IQSEC1: variants seen among roughly 807,000 people sequenced by gnomAD.
IQSEC1 encodes IQ motif and Sec7 domain ArfGEF 1.
IQSEC1 carries 31 observed loss-of-function variants against 91.0 expected under a neutral mutation model. The observed-to-expected ratio is 0.34, with a 90% CI of 0.26 to 0.46. The LOEUF (loss-of-function observed/expected upper bound fraction) is 0.46, where lower values mean the gene tolerates loss of function less well. IQSEC1 is among the 20% of genes least tolerant of loss of function. The pLI is 1.00. For synonymous variants in IQSEC1, 699 were observed against 662.6 expected (o/e 1.05, Z -0.84); for missense variants, 1,388 against 1,575.6 (o/e 0.88, Z 2.02).
intron 1 of IQSEC1, among the ~76,000 whole-genome samples, chr3:13,012,534 G>T (rs1229178922): frequency 6.6e-6 from 1 of 152,186 alleles, no homozygotes; most frequent in Non-Finnish European, 1.5e-5. Flanking sequence ...GAAACGATGT[G>T]TTGCTCACCA....
At chr3:13,005,805 C>T (rs1006158736) in intron 1 of IQSEC1, among the ~76,000 whole-genome samples, 1 of 152,198 alleles carries the variant, frequency 6.6e-6, no homozygotes, top group African/African-American at 2.4e-5. Context: ...GCTCCCCCTC[C>T]CTTCTCAGCA....
Position 12,994,734 on chromosome 3 carries a change from C to T in IQSEC1, c.24-52869G>A, listed in dbSNP as rs1702157024. ...ACGCTCCTCCGCGTCCCCTCCAGGACACACCCTCCTGACTGTTTGGGGACG... is the reference window on the plus strand; with the variant it reads ...ACGCTCCTCCGCGTCCCCTCCAGGATACACCCTCCTGACTGTTTGGGGACG... On this transcript the variant is annotated intron_variant, in intron 1 of 13. Coordinates refer to ENST00000613206, the MANE Select transcript of IQSEC1 (RefSeq NM_001134382.3). This position sits in a 1 kb window ranked among gnomAD's most constrained non-coding sequence, Gnocchi z 4.5. Among the ~76,000 whole-genome samples, 1 of 152,248 alleles carries T rather than the reference C, an allele frequency of 6.6e-6. No individual in the cohort carries two copies. Among genetic ancestry groups the T allele is most frequent in the Non-Finnish European group, 1.5e-5 (1 of 68,032 alleles).
In IQSEC1 at chr3:12,935,311, C is replaced by T; in HGVS notation, c.1568+137G>A. The stretch of plus-strand genomic sequence containing the variant: ...AGGCTGGCACCGTCCTAGCCACCGA[C>T]CTTGTGTGGCAGCTTCCTATGCTCA... On this transcript the variant is annotated intron_variant, in intron 3 of 13. Transcript: ENST00000613206. The surrounding 1 kb of genome is among the most constrained non-coding windows in gnomAD (Gnocchi z 8.0). The T allele has an allele frequency of 1.2e-6, 1 of 822,026 alleles. No individual in the cohort carries two copies. The highest frequency in any genetic ancestry group is 2.5e-5 in the Admixed American group (1 of 39,526). The allele number at this position is 822,026 out of a possible 1,614,324, so 50.9% of individuals were successfully genotyped here. A position where few individuals can be genotyped will look rare whatever the true frequency, so the allele number is the denominator to read the frequency against.
chr3:12,968,772 C>G (rs4684118), intron 1 of IQSEC1, among the ~76,000 whole-genome samples: 62,709 of 152,172 alleles, frequency 0.41, 13,654 homozygotes, highest in Non-Finnish European at 0.48. Context: ...GGGCCACCCA[C>G]CTACAAGTCC....
At chr3:13,107,265 A>G (rs1249787836) in intron 2 of IQSEC1, among the ~76,000 whole-genome samples, 2 of 152,250 alleles carry the variant, frequency 1.3e-5, no homozygotes, top group Non-Finnish European at 1.5e-5. Flanking sequence ...GAGGCTAGAG[A>G]AAAACAAAGC....
chr3:13,138,092 T>C (rs1432449111), intron 2 of IQSEC1, among the ~76,000 whole-genome samples: 2 of 152,046 alleles, frequency 1.3e-5, no homozygotes, highest in African/African-American at 2.4e-5. Flanking sequence ...TTTCTCCATA[T>C]GCAAAATGAG....
rs5014376 is a variant in IQSEC1 at position 13,211,117 on chromosome 3, C to T, written c.273-46984G>A. 2.6e-5 allele frequency among the ~76,000 whole-genome samples: 4 copies of T among 152,310 alleles called. No homozygotes were observed. Among genetic ancestry groups the T allele is most frequent in the South Asian group, 4.1e-4 (2 of 4,828 alleles). On this transcript the variant is annotated intron_variant, in intron 1 of 15. Transcript: ENST00000648114. The surrounding 1 kb of genome is among the most constrained non-coding windows in gnomAD (Gnocchi z 5.3). ...CAGTAGGTGTGCAGTAAAGGTGTGT[C>T]GGATGACTGAGTGATCTCCACCCTC...
chr3:12,900,153 T>C lies in IQSEC1; in HGVS notation c.*830A>G. 1 of 972,444 alleles carries C rather than the reference T, an allele frequency of 1.0e-6. No homozygotes were observed. The highest frequency in any genetic ancestry group is 1.2e-6 in the Non-Finnish European group (1 of 818,252). The allele number at this position is 972,444 out of a possible 1,614,324, so 60.2% of individuals were successfully genotyped here. On this transcript the variant is annotated 3_prime_UTR_variant, in exon 14 of 14. Transcript: ENST00000613206. Reference sequence around the variant, plus strand: ...TATAATACTATTTATGATAGTATTCTGTTAATAAAATAAGGATTTATACAA... The same window carrying C: ...TATAATACTATTTATGATAGTATTCCGTTAATAAAATAAGGATTTATACAA...
intron 1 of IQSEC1, chr3:13,053,125 C>G: frequency 1.2e-6 from 1 of 833,456 alleles, no homozygotes; most frequent in Non-Finnish European, 2.1e-6. Context: ...GAAGACATGG[C>G]GAGAAGCGGA....
chr3:13,055,178 G>A (rs1165248736), intron 1 of IQSEC1, among the ~76,000 whole-genome samples: 1 of 152,218 alleles, frequency 6.6e-6, no homozygotes, highest in Non-Finnish European at 1.5e-5. Flanking sequence ...CTGCCAAACT[G>A]CCCTGCCCAG....
chr3:12,900,100 G>C lies in IQSEC1; in HGVS notation c.*883C>G, dbSNP rs774750330. Reference sequence around the variant, plus strand: ...CTACTGTAGAGTGTACTGCAGTTTAGCTATTTGCTTACCTGAAATAACAGC... The same window carrying C: ...CTACTGTAGAGTGTACTGCAGTTTACCTATTTGCTTACCTGAAATAACAGC... On this transcript the variant is annotated 3_prime_UTR_variant, in exon 14 of 14. Transcript: ENST00000613206. 337 of 981,492 alleles carry C rather than the reference G, an allele frequency of 3.4e-4. 2 individuals carry two copies. The highest frequency in any genetic ancestry group is 2.8e-4 in the Non-Finnish European group (228 of 826,432). The allele number at this position is 981,492 out of a possible 1,614,324, so 60.8% of individuals were successfully genotyped here. A position where few individuals can be genotyped will look rare whatever the true frequency, so the allele number is the denominator to read the frequency against.
intron 2 of IQSEC1, among the ~76,000 whole-genome samples, chr3:13,095,409 C>T (rs931427442): frequency 1.3e-5 from 2 of 152,132 alleles, no homozygotes; most frequent in East Asian, 1.9e-4. Context: ...TGCTGGTGTG[C>T]GCTCCTTTAG....
intron 2 of IQSEC1, among the ~76,000 whole-genome samples, chr3:13,124,713 C>T (rs1056165381): frequency 6.6e-6 from 1 of 152,132 alleles, no homozygotes; most frequent in African/African-American, 2.4e-5. Context: ...GGCTCGGGGG[C>T]CCCGCCCATC....
At chr3:12,941,363 C>T (rs41293397) in intron 2 of IQSEC1, among the ~76,000 whole-genome samples, 1 of 152,296 alleles carries the variant, frequency 6.6e-6, no homozygotes, top group South Asian at 2.1e-4. Context: ...GTCCTTCATA[C>T]ACGCCAGCCA....
intron 1 of IQSEC1, among the ~76,000 whole-genome samples, chr3:13,194,681 C>T (rs889636660): frequency 6.6e-6 from 1 of 152,094 alleles, no homozygotes; most frequent in Admixed American, 6.6e-5. Context: ...ACTGTATTTT[C>T]CAAAGACTGA....
At chr3:13,226,655 T>C (rs889669388) in intron 1 of IQSEC1, among the ~76,000 whole-genome samples, 13 of 152,108 alleles carry the variant, frequency 8.5e-5, no homozygotes, top group Non-Finnish European at 8.8e-5. Flanking sequence ...TGGCAGCTGC[T>C]GTGCCTGATT....
intron 1 of IQSEC1, among the ~76,000 whole-genome samples, chr3:13,189,086 C>A (rs566853255): frequency 4.2e-4 from 64 of 152,372 alleles, no homozygotes; most frequent in Non-Finnish European, 8.4e-4. Flanking sequence ...CTTCTCAGGG[C>A]AGGGCCAGAA....
chr3:13,043,685 G>C (rs1704374882), intron 1 of IQSEC1, among the ~76,000 whole-genome samples: 2 of 152,200 alleles, frequency 1.3e-5, no homozygotes, highest in South Asian at 4.1e-4. Context: ...CCAGGGCAGG[G>C]GCCACATCTC....
intron 1 of IQSEC1, among the ~76,000 whole-genome samples, chr3:13,007,252 C>T (rs1204597874): frequency 1.3e-5 from 2 of 152,218 alleles, no homozygotes; most frequent in African/African-American, 4.8e-5. Context: ...GTCAGGGGAG[C>T]TGCAGCAAGG....
Sources: allele counts gnomAD v4.1 joint callset (sites outside exome capture counted in the v4.1 genomes callset), GRCh38; gene constraint gnomAD v4.1.1; non-coding constraint Gnocchi (gnomAD v3.1); transcripts MANE v1.5; gene names NCBI Gene and HGNC (gene_info 2026-07-23, HGNC 2026-07-21).